MUC4: variants seen among roughly 807,000 people sequenced by gnomAD.
MUC4 encodes the protein mucin-4.
Under a neutral mutation model 257.9 loss-of-function variants are expected in MUC4, and 202 were observed. The ratio of observed to expected loss-of-function variants is 0.78; its 90% CI spans 0.70 to 0.88. The LOEUF (loss-of-function observed/expected upper bound fraction) is 0.88, where lower values mean the gene tolerates loss of function less well. Ranked by LOEUF, MUC4 falls within the 40% of genes least tolerant of loss-of-function variation. MUC4 has a pLI of 0.00. For missense variants in MUC4, 5,976 were observed against 6,513.7 expected (o/e 0.92, Z 2.84); for synonymous variants, 2,351 against 2,757.1 (o/e 0.85, Z 4.62).
At position 195,790,648 on chromosome 3, in the gene MUC4, G is replaced by A. The variant is rs1353297255; in HGVS notation, c.932C>T (p.Ser311Leu). The A allele has an allele frequency of 6.2e-7, 1 of 1,613,898 alleles. No individual in the cohort carries two copies. The highest frequency in any genetic ancestry group is 1.3e-5 in the African/African-American group (1 of 74,918). The change falls in exon 2 of 25, where the codon TCA becomes TTA. Residue 311 changes from serine to leucine, a missense_variant. Physicochemically the swap from Ser to Leu is moderately radical, Grantham distance 145. Transcript: ENST00000463781. ...DPEGQSPATF[S>L]RTSTQDTTAF... is the part of the protein sequence containing the mutation. ...TGTTGTGTCCTGAGTAGAAGTCCTT[G>A]AGAAAGTTGCTGGTGATTGTCCTTC...
Position 195,787,411 on chromosome 3 carries a change from G to A in MUC4, c.4169C>T (p.Thr1390Ile), listed in dbSNP as rs2149023872. The A allele has an allele frequency of 2.6e-6, 2 of 762,782 alleles. No individual in the cohort carries two copies. The highest frequency in any genetic ancestry group is 3.3e-5 in the East Asian group (1 of 30,662). The allele number at this position is 762,782 out of a possible 1,614,324, so 47.3% of individuals were successfully genotyped here. A position where few individuals can be genotyped will look rare whatever the true frequency, so the allele number is the denominator to read the frequency against. ...AGGGCTAGTGACAGGAAGAGGCGTGGTGTCACCTGTGGATACTGAGGAAAG... is the reference window on the plus strand; with the variant it reads ...AGGGCTAGTGACAGGAAGAGGCGTGATGTCACCTGTGGATACTGAGGAAAG... ...TSLSSVSTGD[T>I]TPLPVTSPSS... The change falls in exon 2 of 25, where the codon ACC (threonine) becomes ATC (isoleucine). Residue 1390 changes from threonine (T) to isoleucine (I), a missense_variant. Thr to Ile is a moderately conservative substitution (Grantham distance 89, BLOSUM62 -1). This residue lies in a region of MUC4 where 58 missense variants were observed against 65.4 expected (regional missense o/e 0.89). Transcript: ENST00000463781.
intron 1 of MUC4, among the ~76,000 whole-genome samples, chr3:195,802,242 T>C (rs555013685): frequency 1.3e-5 from 2 of 152,304 alleles, no homozygotes; most frequent in African/African-American, 4.8e-5. Flanking sequence ...CTCTTCCTTG[T>C]CCCCTGTGTC....
chr3:195,791,042 G>T lies in MUC4; in HGVS notation c.538C>A (p.Arg180=), dbSNP rs1022201103. 3 of 1,613,840 alleles carry T rather than the reference G, an allele frequency of 1.9e-6. No individual in the cohort carries two copies. Among genetic ancestry groups the T allele is most frequent in the Non-Finnish European group, 2.5e-6 (3 of 1,179,856 alleles). ...SITAGQEGQS[R]TTSWRTSIQD... is the part of the protein sequence containing the mutation. Reference sequence around the variant, plus strand: ...ATAGAGGTCCTCCAGGAAGTTGTTCGTGATTGTCCTTCCTGTCCAGCTGTT... The same window carrying T: ...ATAGAGGTCCTCCAGGAAGTTGTTCTTGATTGTCCTTCCTGTCCAGCTGTT... The change falls in exon 2 of 25, where the codon CGA becomes AGA. Residue 180 remains arginine (R), a synonymous_variant. Transcript: ENST00000463781.
In MUC4 at chr3:195,783,070, A is replaced by C. The variant is rs199497031; in HGVS notation, c.8510T>G (p.Ile2837Ser). The C allele has an allele frequency of 0.14, 74,342 of 547,874 alleles. 17,338 individuals are homozygous for C. The highest frequency in any genetic ancestry group is 0.16 in the Non-Finnish European group (63,707 of 394,470). 33.9% of individuals were successfully genotyped at this position (547,874 alleles called of 1,614,324 possible). A position where few individuals can be genotyped will look rare whatever the true frequency, so the allele number is the denominator to read the frequency against. Reference sequence around the variant, plus strand: ...GTGACCTGAGGATGCTGAGGAAGGGATGGTGACAGGAAGAGAGGTGGCATG... The same window carrying C: ...GTGACCTGAGGATGCTGAGGAAGGGCTGGTGACAGGAAGAGAGGTGGCATG... ...TGHATSLPVT[I>S]PSSASSGHTT... The change falls in exon 2 of 25, where the codon ATC (isoleucine) becomes AGC (serine). Residue 2837 changes from isoleucine (I) to serine (S), a missense_variant. Ile to Ser is a moderately radical substitution (Grantham distance 142). Coordinates refer to ENST00000463781, the MANE Select transcript of MUC4 (RefSeq NM_018406.7).
At chr3:195,767,648 C>T (rs1560262962) in intron 7 of MUC4, among the ~76,000 whole-genome samples, 7 of 95,894 alleles carry the variant, frequency 7.3e-5, no homozygotes, top group Non-Finnish European at 7.6e-5. Context: ...ACCATCGCCA[C>T]CACCACCACC....
chr3:195,773,229 A>G lies in MUC4; in HGVS notation c.13077+943T>C, dbSNP rs142022143. ...TAGGGGGTGGAAACCTCTCTCTATC[A>G]CTCAGCAGGTGTAGATACCCTCTCT... On this transcript the variant is annotated intron_variant, in intron 4 of 24. Coordinates refer to ENST00000463781, the MANE Select transcript of MUC4 (RefSeq NM_018406.7). 4.5e-3 allele frequency among the ~76,000 whole-genome samples: 279 copies of G among 62,366 alleles called. 1 individual carries two copies. The highest frequency in any genetic ancestry group is 8.4e-3 in the African/African-American group (80 of 9,502). The allele number at this position is 62,366 out of a possible 152,430, so 40.9% of individuals were successfully genotyped here.
chr3:195,767,647 A>C (rs1446139862), intron 7 of MUC4, among the ~76,000 whole-genome samples: 1 of 98,264 alleles, frequency 1.0e-5, no homozygotes, highest in Non-Finnish European at 1.8e-5. Flanking sequence ...CACCATCGCC[A>C]CCACCACCAC....
In MUC4 at chr3:195,788,704, G is replaced by A; in HGVS notation, c.2876C>T (p.Pro959Leu). 8 of 1,613,778 alleles carry A rather than the reference G, an allele frequency of 5.0e-6. No homozygotes were observed. Among genetic ancestry groups the A allele is most frequent in the Non-Finnish European group, 6.8e-6 (8 of 1,179,800 alleles). The change falls in exon 2 of 25, where the codon CCT (proline) becomes CTT (leucine). Residue 959 changes from proline (P) to leucine (L), a missense_variant. Coordinates refer to ENST00000463781, the MANE Select transcript of MUC4 (RefSeq NM_018406.7). ...SPQTETHTLS[P>L]SGSGKTFTTA... The stretch of plus-strand genomic sequence containing the variant: ...GGTGAAGGTTTTACCAGACCCTGAA[G>A]GTGACAGAGTGTGGGTCTCGGTTTG...
chr3:195,775,979 T>G (rs188029493), intron 3 of MUC4, among the ~76,000 whole-genome samples: 116 of 4,756 alleles, frequency 0.024, no homozygotes, highest in East Asian at 0.083. Flanking sequence ...ACCTTCCACA[T>G]CCATACCTTC....
chr3:195,782,787 G>C lies in MUC4; in HGVS notation c.8793C>G (p.Val2931=). The C allele has an allele frequency of 6.6e-7, 1 of 1,518,356 alleles. No homozygotes were observed. Among genetic ancestry groups the C allele is most frequent in the Non-Finnish European group, 8.9e-7 (1 of 1,128,204 alleles). 94.1% of individuals were successfully genotyped at this position (1,518,356 alleles called of 1,614,324 possible). ...ASTGQATPLP[V]TSLSSVSTGD... is the part of the protein sequence containing the mutation. ...CTGTGGATACTGAGGAAAGGCTGGT[G>C]ACAGGAAGAGGGGTGGCCTGACCTG... The change falls in exon 2 of 25, where the codon GTC becomes GTG. Residue 2931 remains valine (V), a synonymous_variant. Transcript: ENST00000463781.
chr3:195,770,530 G>C (rs544344371), intron 5 of MUC4, 159 bp from the exon 6 acceptor site: 1 of 734,384 alleles, frequency 1.4e-6, no homozygotes, highest in East Asian at 2.7e-5. Context: ...TTTCTGAGGT[G>C]AAGTTCAATT....
rs1460030697 is a variant in MUC4 at position 195,755,246 on chromosome 3, A to G, written c.15169-874T>C. 6.6e-6 allele frequency among the ~76,000 whole-genome samples: 1 copy of G among 151,564 alleles called. No individual in the cohort carries two copies. Among genetic ancestry groups the G allele is most frequent in the African/African-American group, 2.4e-5 (1 of 41,194 alleles). ...AGTCTCGTTCTGTTTCCCACGCTGC[A>G]GTGCAGTGTCTCGATCTCGGCTCAC... On this transcript the variant is annotated intron_variant, in intron 18 of 24. Transcript: ENST00000463781. This position sits in a 1 kb window ranked among gnomAD's most constrained non-coding sequence, Gnocchi z 5.0.
chr3:195,755,214 A>G lies in MUC4; in HGVS notation c.15169-842T>C, dbSNP rs1717427199. 6.6e-6 allele frequency among the ~76,000 whole-genome samples: 1 copy of G among 150,420 alleles called. No individual in the cohort carries two copies. Among genetic ancestry groups the G allele is most frequent in the Non-Finnish European group, 1.5e-5 (1 of 67,620 alleles). ...TATTTTTCTTCTGCTTTTTTTTTTA[A>G]TGAGACAGTCTCGTTCTGTTTCCCA... On this transcript the variant is annotated intron_variant, in intron 18 of 24. Coordinates refer to ENST00000463781, the MANE Select transcript of MUC4 (RefSeq NM_018406.7). The surrounding 1 kb of genome is among the most constrained non-coding windows in gnomAD (Gnocchi z 5.0).
At chr3:195,796,086 T>A (rs1176851207) in intron 1 of MUC4, among the ~76,000 whole-genome samples, 1 of 152,054 alleles carries the variant, frequency 6.6e-6, no homozygotes, top group African/African-American at 2.4e-5. Flanking sequence ...TATTTAATTT[T>A]ATTTATTTAT....
intron 1 of MUC4, among the ~76,000 whole-genome samples, chr3:195,807,600 G>A (rs76338302): frequency 0.015 from 2,238 of 152,290 alleles, 69 homozygotes; most frequent in African/African-American, 0.051. Flanking sequence ...TGCTGGGGCG[G>A]GAACTCAGCC....
At chr3:195,751,527 A>C in intron 21 of MUC4, 1 of 581,380 alleles carries the variant, frequency 1.7e-6, no homozygotes. Context: ...TATGACGAGC[A>C]GAGAATCTGA....
intron 12 of MUC4, 126 bp from the exon 13 acceptor site, chr3:195,763,071 C>T (rs1032920402): frequency 2.0e-5 from 16 of 788,350 alleles, no homozygotes; most frequent in Non-Finnish European, 3.0e-5. Flanking sequence ...CTGGAGGCCG[C>T]GGCCTGAGGT....
chr3:195,759,143 G>T lies in MUC4; in HGVS notation c.14967C>A (p.Cys4989Ter). ...TCCTACCAAAGAGCTCCAAGTCGGT[G>T]CAGCTGTCTCTGAGCGTGAAGTTGG... is the stretch of plus-strand genomic sequence containing the variant. ...EDANFTLRDS[C>*]TDLELFENGT... is the part of the protein sequence containing the mutation. The change falls in exon 17 of 25, where the codon TGC becomes TGA. Residue 4989 changes from cysteine to a stop codon, truncating the protein, a stop_gained. Transcript: ENST00000463781. LOFTEE classifies it high-confidence loss of function. 6.2e-7 allele frequency: 1 copy of T among 1,614,016 alleles called. No homozygotes were observed. Among genetic ancestry groups the T allele is most frequent in the Non-Finnish European group, 8.5e-7 (1 of 1,179,990 alleles).
rs1560263603 is a variant in MUC4 at position 195,767,695 on chromosome 3, CCAAAAA to C, written c.13530-950_13530-945del. The stretch of plus-strand genomic sequence containing the variant: ...CATCACCACCATCACTGGCCACCCC[CCAAAAA>C]ATACCACCATCGGCCACCACCACCA... On this transcript the variant is annotated intron_variant, in intron 7 of 24. Transcript: ENST00000463781. Among the ~76,000 whole-genome samples, 4 of 2,880 alleles carry C rather than the reference CCAAAAA, an allele frequency of 1.4e-3. 1 individual carries two copies. The highest frequency in any genetic ancestry group is 3.5e-3 in the Admixed American group (1 of 284). 1.9% of individuals were successfully genotyped at this position (2,880 alleles called of 152,430 possible). A position where few individuals can be genotyped will look rare whatever the true frequency, so the allele number is the denominator to read the frequency against.
Sources: gnomAD v4.1 joint callset for allele counts (sites outside exome capture counted in the v4.1 genomes callset) on GRCh38, gnomAD v4.1.1 for gene constraint, gnomAD v4.1.1 regional missense constraint, Gnocchi (gnomAD v3.1) non-coding constraint, MANE v1.5 for transcripts, NCBI Gene and HGNC (gene_info 2026-07-23, HGNC 2026-07-21) for gene names.